Variants in ROBO1 observed in about 807,000 individuals in gnomAD.
The protein encoded by ROBO1 is roundabout homolog 1.
A neutral mutation model predicts 195.9 loss-of-function variants in ROBO1; 149 were observed. That is an observed-to-expected ratio of 0.76 (90% CI 0.67 to 0.87). The LOEUF (loss-of-function observed/expected upper bound fraction) is 0.87. ROBO1 is among the 40% of genes least tolerant of loss of function. ROBO1 has a pLI of 0.00. For missense variants in ROBO1, 1,933 were observed against 2,068.3 expected (o/e 0.93, Z 1.27); for synonymous variants, 816 against 733.2 (o/e 1.11, Z -1.82).
At chr3:78,769,922 G>T (rs1043022240) in intron 4 of ROBO1, among the ~76,000 whole-genome samples, 1 of 152,114 alleles carries the variant, frequency 6.6e-6, no homozygotes, top group African/African-American at 2.4e-5. Context: ...CTCCTAGCTT[G>T]TAGGGCTTCT....
intron 2 of ROBO1, among the ~76,000 whole-genome samples, chr3:79,393,315 T>C (rs1169699145): frequency 3.3e-5 from 5 of 152,206 alleles, no homozygotes; most frequent in Non-Finnish European, 5.9e-5. Flanking sequence ...ATATCATTCT[T>C]CAATAACTCA....
intron 2 of ROBO1, among the ~76,000 whole-genome samples, chr3:79,444,640 C>A (rs1039294279): frequency 1.3e-5 from 2 of 151,982 alleles, no homozygotes; most frequent in African/African-American, 2.4e-5. Flanking sequence ...ACTTGAGCAC[C>A]AGTAGATAAA....
intron 1 of ROBO1, among the ~76,000 whole-genome samples, chr3:79,689,569 T>C (rs1252967049): frequency 6.6e-6 from 1 of 151,780 alleles, no homozygotes; most frequent in East Asian, 1.9e-4. Context: ...ATGAGGCAAA[T>C]AAAACAGATC....
At chr3:78,962,591 C>T (rs1007302690) in intron 3 of ROBO1, among the ~76,000 whole-genome samples, 1 of 151,784 alleles carries the variant, frequency 6.6e-6, no homozygotes, top group African/African-American at 2.4e-5. Flanking sequence ...TTTGGGAGGC[C>T]GAGGAGGGCG....
intron 2 of ROBO1, among the ~76,000 whole-genome samples, chr3:79,466,417 T>C (rs1010942601): frequency 2.0e-5 from 3 of 152,196 alleles, no homozygotes; most frequent in African/African-American, 4.8e-5. Context: ...CCTAGAAGGA[T>C]TGTCCCTTTT....
At chr3:79,264,303 A>G (rs2082994718) in intron 2 of ROBO1, among the ~76,000 whole-genome samples, 2 of 151,750 alleles carry the variant, frequency 1.3e-5, no homozygotes, top group African/African-American at 4.8e-5. Context: ...CTTCATCTCA[A>G]TCTCTCACAA....
intron 2 of ROBO1, among the ~76,000 whole-genome samples, chr3:79,416,451 AG>A: frequency 6.6e-6 from 1 of 150,988 alleles, no homozygotes; most frequent in East Asian, 1.9e-4. Flanking sequence ...AAAAAAAAAA[AG>A]AAACAACAAC....
At chr3:79,708,467 T>G (rs1340731112) in intron 1 of ROBO1, among the ~76,000 whole-genome samples, 1 of 152,194 alleles carries the variant, frequency 6.6e-6, no homozygotes, top group Non-Finnish European at 1.5e-5. Flanking sequence ...TGATCTGTTA[T>G]GTGTCAATTT....
At chr3:79,714,321 A>C (rs897946943) in intron 1 of ROBO1, among the ~76,000 whole-genome samples, 1 of 152,174 alleles carries the variant, frequency 6.6e-6, no homozygotes, top group African/African-American at 2.4e-5. Flanking sequence ...ACCAGTTAGA[A>C]TGGTGATCAT....
chr3:79,033,988 T>C (rs1220450508), intron 3 of ROBO1, among the ~76,000 whole-genome samples: 1 of 152,106 alleles, frequency 6.6e-6, no homozygotes, highest in Non-Finnish European at 1.5e-5. Context: ...AAAACAACTG[T>C]CAATCCTTTC....
intron 2 of ROBO1, among the ~76,000 whole-genome samples, chr3:79,413,359 G>A (rs2037861034): frequency 6.6e-6 from 1 of 152,000 alleles, no homozygotes; most frequent in Admixed American, 6.6e-5. Context: ...GGAGATTGTG[G>A]CCAGGTGCAG....
At chr3:79,676,336 A>T (rs963880022) in intron 1 of ROBO1, among the ~76,000 whole-genome samples, 1 of 152,076 alleles carries the variant, frequency 6.6e-6, no homozygotes, top group African/African-American at 2.4e-5. Context: ...TAGCAGATTA[A>T]AGCAAACCAT....
rs946316623 is a variant in ROBO1 at position 78,640,829 on chromosome 3, G to T, written c.2883-931C>A. Reference sequence around the variant, plus strand: ...AGACTGGCATTACAGACTCTGCAAAGATTTTCTTGGTGGTTTTATTTTCTA... The same window carrying T: ...AGACTGGCATTACAGACTCTGCAAATATTTTCTTGGTGGTTTTATTTTCTA... On this transcript the variant is annotated intron_variant, in intron 21 of 30. Transcript: ENST00000464233. Among the ~76,000 whole-genome samples, 13 of 152,224 alleles carry T rather than the reference G, an allele frequency of 8.5e-5. No individual in the cohort carries two copies. The South Asian group carries it at 1.2e-3, about 15-fold the overall frequency.
At chr3:79,496,533 G>A (rs891514775) in intron 2 of ROBO1, among the ~76,000 whole-genome samples, 57 of 148,326 alleles carry the variant, frequency 3.8e-4, no homozygotes, top group Non-Finnish European at 6.8e-4. Context: ...ACAGGCGCCC[G>A]CCACCGCGCC....
chr3:79,173,665 C>T (rs181193042), intron 2 of ROBO1, among the ~76,000 whole-genome samples: 137 of 152,238 alleles, frequency 9.0e-4, no homozygotes, highest in East Asian at 2.7e-3. Flanking sequence ...CCCTGCTCCA[C>T]GGTGCCCAGT....
At chr3:78,684,420 A>G (rs1477941524) in intron 10 of ROBO1, among the ~76,000 whole-genome samples, 1 of 152,164 alleles carries the variant, frequency 6.6e-6, no homozygotes, top group Non-Finnish European at 1.5e-5. Context: ...GAAGCCTTCT[A>G]TGGTCTTGGA....
chr3:78,733,678 TCATC>T (rs1343531009), intron 5 of ROBO1, among the ~76,000 whole-genome samples: 2 of 152,180 alleles, frequency 1.3e-5, no homozygotes, highest in Non-Finnish European at 2.9e-5. Context: ...ATTTAGGACA[TCATC>T]CATGAACCCA....
chr3:78,940,886 A>G (rs1576436134), intron 3 of ROBO1, among the ~76,000 whole-genome samples: 2 of 152,348 alleles, frequency 1.3e-5, no homozygotes, highest in East Asian at 3.9e-4. Context: ...AATGACAAAA[A>G]AGAATGAAGT....
intron 3 of ROBO1, among the ~76,000 whole-genome samples, chr3:79,058,819 A>C (rs2078861227): frequency 6.6e-6 from 1 of 152,080 alleles, no homozygotes; most frequent in African/African-American, 2.4e-5. Context: ...CATTTAATTA[A>C]TGAAGTGTTA....
Sources: allele counts gnomAD v4.1 joint callset (sites outside exome capture counted in the v4.1 genomes callset), GRCh38; gene constraint gnomAD v4.1.1; transcripts MANE v1.5; gene names NCBI Gene and HGNC (gene_info 2026-07-23, HGNC 2026-07-21).